PCDH15: variants seen among roughly 807,000 people sequenced by gnomAD.
The protein encoded by PCDH15 is protocadherin related 15, also known as protocadherin-15.
In PCDH15, 129 loss-of-function variants were observed where a neutral mutation model predicts 178.5. That is an observed-to-expected ratio of 0.72 (90% confidence interval 0.63 to 0.84). The LOEUF is 0.84. Ranked by LOEUF, PCDH15 falls within the 40% of genes least tolerant of loss-of-function variation. The pLI, the probability that PCDH15 is intolerant of heterozygous loss-of-function variation, is 0.00. For synonymous variants in PCDH15, 800 were observed against 732.0 expected (o/e 1.09, Z -1.50); for missense variants, 2,230 against 2,099.9 (o/e 1.06, Z -1.21).
chr10:54,337,513 A>T (rs1338635767), intron 6 of PCDH15, among the ~76,000 whole-genome samples: 1 of 152,054 alleles, frequency 6.6e-6, no homozygotes, highest in Non-Finnish European at 1.5e-5. Flanking sequence ...TTCTTTATAA[A>T]TTACCCAGTC....
intron 18 of PCDH15, among the ~76,000 whole-genome samples, chr10:54,055,727 G>A (rs2093872389): frequency 6.6e-6 from 1 of 152,144 alleles, no homozygotes; most frequent in Admixed American, 6.5e-5. Context: ...AGCATATAGT[G>A]TGATAAGTGT....
intron 8 of PCDH15, among the ~76,000 whole-genome samples, chr10:54,273,874 T>G (rs2058190636): frequency 6.6e-6 from 1 of 152,022 alleles, no homozygotes; most frequent in Non-Finnish European, 1.5e-5. Flanking sequence ...AGCAAAGACA[T>G]GGAATCAATC....
intron 2 of PCDH15, among the ~76,000 whole-genome samples, chr10:55,066,078 CTTTA>C: frequency 2.0e-5 from 3 of 151,464 alleles, no homozygotes; most frequent in African/African-American, 7.2e-5. Flanking sequence ...ATTTTTTTTG[CTTTA>C]TTTATATGCT....
At chr10:55,071,097 T>G (rs1055677815) in intron 2 of PCDH15, among the ~76,000 whole-genome samples, 1 of 152,166 alleles carries the variant, frequency 6.6e-6, no homozygotes, top group Non-Finnish European at 1.5e-5. Flanking sequence ...TCCTGAAGGA[T>G]GCACTAAACA....
intron 27 of PCDH15, among the ~76,000 whole-genome samples, chr10:53,860,457 G>A (rs1049891336): frequency 4.6e-5 from 7 of 152,146 alleles, no homozygotes; most frequent in East Asian, 3.9e-4. Context: ...TAAGCCAGGC[G>A]TAGTGCCTCA....
At chr10:54,442,837 A>T (rs552445497) in intron 3 of PCDH15, among the ~76,000 whole-genome samples, 13 of 151,608 alleles carry the variant, frequency 8.6e-5, no homozygotes, top group Admixed American at 5.9e-4. Flanking sequence ...AAAAAACCCA[A>T]CTTGTGGTTA....
intron 26 of PCDH15, among the ~76,000 whole-genome samples, chr10:53,878,476 G>GTATA (rs10683839): frequency 1.4e-5 from 2 of 140,614 alleles, no homozygotes; most frequent in Non-Finnish European, 1.5e-5. Context: ...CCATAGTATA[G>GTATA]TATATATATA....
intron 18 of PCDH15, among the ~76,000 whole-genome samples, chr10:54,058,334 A>G (rs1245915216): frequency 6.6e-6 from 1 of 152,218 alleles, no homozygotes; most frequent in Non-Finnish European, 1.5e-5. Flanking sequence ...TAATTGACTC[A>G]CAGTTTCACA....
chr10:54,639,621 T>A (rs2093946064), intron 2 of PCDH15, among the ~76,000 whole-genome samples: 1 of 152,130 alleles, frequency 6.6e-6, no homozygotes. Flanking sequence ...ACAAAGATAT[T>A]CAATACATTG....
At chr10:54,494,063 A>G (rs989411802) in intron 3 of PCDH15, among the ~76,000 whole-genome samples, 4 of 140,216 alleles carry the variant, frequency 2.9e-5, no homozygotes, top group African/African-American at 1.0e-4. Flanking sequence ...AGGAAGGGGA[A>G]CATCACACTC....
chr10:53,971,720 C>G (rs1312501142), intron 21 of PCDH15, among the ~76,000 whole-genome samples: 1 of 152,060 alleles, frequency 6.6e-6, no homozygotes, highest in African/African-American at 2.4e-5. Context: ...ACCTGGGAAC[C>G]CTACTTACAA....
intron 2 of PCDH15, among the ~76,000 whole-genome samples, chr10:55,332,484 TATATCTC>T (rs1403144775): frequency 6.6e-6 from 1 of 152,188 alleles, no homozygotes; most frequent in Non-Finnish European, 1.5e-5. Context: ...ACACTAAAAA[TATATCTC>T]ATATTGATGA....
chr10:54,086,236 C>T (rs2094514568), intron 16 of PCDH15, among the ~76,000 whole-genome samples: 1 of 152,062 alleles, frequency 6.6e-6, no homozygotes, highest in Admixed American at 6.6e-5. Context: ...GCAGAGATCA[C>T]ATGGTGAGAA....
At chr10:54,164,824 G>C (rs1306277234) in intron 13 of PCDH15, among the ~76,000 whole-genome samples, 1 of 152,140 alleles carries the variant, frequency 6.6e-6, no homozygotes, top group Non-Finnish European at 1.5e-5. Flanking sequence ...TATATCTAAA[G>C]TTACAAGACT....
chr10:55,450,398 G>C (rs1227132584), intron 2 of PCDH15, among the ~76,000 whole-genome samples: 1 of 152,296 alleles, frequency 6.6e-6, no homozygotes, highest in South Asian at 2.1e-4. Flanking sequence ...ACAACAAGTA[G>C]AGCAAAGTTA....
chr10:55,461,541 T>C (rs1243762376), intron 2 of PCDH15, among the ~76,000 whole-genome samples: 1 of 152,092 alleles, frequency 6.6e-6, no homozygotes, highest in Non-Finnish European at 1.5e-5. Context: ...ACACAGAATT[T>C]GATCTTATTT....
intron 2 of PCDH15, among the ~76,000 whole-genome samples, chr10:55,621,072 T>C (rs1843581493): frequency 6.6e-6 from 1 of 152,060 alleles, no homozygotes; most frequent in South Asian, 2.1e-4. Flanking sequence ...TTAGATTCTA[T>C]TGATTCATCA....
chr10:54,567,283 T>C (rs1478054409), intron 2 of PCDH15, among the ~76,000 whole-genome samples: 13 of 152,140 alleles, frequency 8.5e-5, no homozygotes, highest in Admixed American at 8.5e-4. Flanking sequence ...GTTTGTAGCT[T>C]GTCTTCTCAT....
At chr10:54,135,202 CAAA>C (rs11299964) in intron 14 of PCDH15, among the ~76,000 whole-genome samples, 1 of 118,112 alleles carries the variant, frequency 8.5e-6, no homozygotes. Flanking sequence ...GACTCTGTCT[CAAA>C]AAAAAAAAAA....
Sources: gnomAD v4.1 joint callset for allele counts (sites outside exome capture counted in the v4.1 genomes callset) on GRCh38, gnomAD v4.1.1 for gene constraint, MANE v1.5 for transcripts, NCBI Gene and HGNC (gene_info 2026-07-23, HGNC 2026-07-21) for gene names.